Variants in P2RY8 observed in about 807,000 individuals in gnomAD.
The protein encoded by P2RY8 is P2Y receptor family member 8.
In P2RY8, 6 loss-of-function variants were observed where a neutral mutation model predicts 10.0. That is an observed-to-expected ratio of 0.60 (90% CI 0.33 to 1.19). P2RY8 has a LOEUF of 1.19. P2RY8 is among the 50% of genes most tolerant of loss of function. The pLI is 0.04. For missense variants in P2RY8, 456 were observed against 542.0 expected (o/e 0.84, Z 1.58); for synonymous variants, 276 against 252.5 (o/e 1.09, Z -0.88).
In P2RY8 at chrX:1,465,469, C is replaced by T. The variant is rs768804693; in HGVS notation, c.*10G>A. The T allele has an allele frequency of 8.8e-6, 14 of 1,588,626 alleles. No homozygotes were observed. The South Asian group carries it at 1.4e-4, about 15-fold the overall frequency. On this transcript the variant is annotated 3_prime_UTR_variant, in exon 2 of 2. Coordinates refer to ENST00000381297, the MANE Select transcript of P2RY8 (RefSeq NM_178129.5). ...TGCGCCCCCGGCTCTCCAAGCTGCG[C>T]CCCCGGGACTCAGAACACACTCTCC...
intron 1 of P2RY8, among the ~76,000 whole-genome samples, chrX:1,519,698 C>T (rs1370345071): frequency 2.6e-5 from 4 of 152,018 alleles, no homozygotes; most frequent in Non-Finnish European, 4.4e-5. Flanking sequence ...TCCCCTTGGT[C>T]CCTAATCATC....
chrX:1,503,990 A>G (rs1248852077), intron 1 of P2RY8, among the ~76,000 whole-genome samples: 3 of 152,098 alleles, frequency 2.0e-5, no homozygotes, highest in African/African-American at 7.2e-5. Context: ...GCAATTATCC[A>G]CTTAAATAAC....
intron 1 of P2RY8, among the ~76,000 whole-genome samples, chrX:1,509,882 CTA>C (rs2092285844): frequency 6.6e-6 from 1 of 151,470 alleles, no homozygotes; most frequent in Non-Finnish European, 1.5e-5. Flanking sequence ...TCTATCCATT[CTA>C]TCTATCTATG....
intron 1 of P2RY8, among the ~76,000 whole-genome samples, chrX:1,482,974 A>G (rs1188821622): frequency 6.6e-6 from 1 of 152,102 alleles, no homozygotes; most frequent in Non-Finnish European, 1.5e-5. Flanking sequence ...GGATAGCATT[A>G]GGAGATATAC....
intron 1 of P2RY8, among the ~76,000 whole-genome samples, chrX:1,498,522 AT>A (rs765334199): frequency 0.47 from 68,840 of 146,560 alleles, 17,364 homozygotes; most frequent in Non-Finnish European, 0.58. Context: ...CCAACTCTGT[AT>A]TTTTTTTTTT....
chrX:1,478,784 T>A (rs1201535092), intron 1 of P2RY8, among the ~76,000 whole-genome samples: 6 of 152,014 alleles, frequency 3.9e-5, no homozygotes, highest in Admixed American at 6.6e-5. Flanking sequence ...GGTACAGGTA[T>A]CTTTTTATGT....
chrX:1,465,901 G>T lies in P2RY8; in HGVS notation c.658C>A (p.Leu220Met). The T allele has an allele frequency of 6.2e-7, 1 of 1,612,546 alleles. No homozygotes were observed. Among genetic ancestry groups the T allele is most frequent in the Non-Finnish European group, 8.5e-7 (1 of 1,179,746 alleles). Residue 220 changes from leucine (L) to methionine (M), a missense_variant, in exon 2 of 2, where the codon CTG becomes ATG. Coordinates refer to ENST00000381297, the MANE Select transcript of P2RY8 (RefSeq NM_178129.5). ...VACYTATILKLLRTEEAHGRE... is the reference protein window; with the variant it reads ...VACYTATILKMLRTEEAHGRE... ...CCGTGCGCCTCCTCCGTGCGCAACA[G>T]CTTGAGGATGGTGGCCGTGTAACAA...
rs2091675965 is a variant in P2RY8 at position 1,466,346 on chromosome X, C to T, written c.213G>A (p.Met71Ile). The change falls in exon 2 of 2, where the codon ATG (methionine) becomes ATA (isoleucine). Residue 71 changes from methionine (M) to isoleucine (I), a missense_variant. By Grantham distance (10) the Met-to-Ile change is conservative. Coordinates refer to ENST00000381297, the MANE Select transcript of P2RY8 (RefSeq NM_178129.5). ...FMINLSVTDL[M>I]LASVLPFQIY... ...TTTGGAAAGGCAACACGCTGGCCAG[C>T]ATCAGGTCCGTGACGCTCAGGTTGA... 6.2e-7 allele frequency: 1 copy of T among 1,613,748 alleles called. No homozygotes were observed. Among genetic ancestry groups the T allele is most frequent in the Non-Finnish European group, 8.5e-7 (1 of 1,179,862 alleles).
At chrX:1,499,484 C>T (rs2092153884) in intron 1 of P2RY8, among the ~76,000 whole-genome samples, 1 of 152,028 alleles carries the variant, frequency 6.6e-6, no homozygotes, top group Non-Finnish European at 1.5e-5. Context: ...TTTTCTTACG[C>T]ATGAGGTAAT....
intron 1 of P2RY8, among the ~76,000 whole-genome samples, chrX:1,530,573 G>A (rs866567653): frequency 3.3e-5 from 5 of 149,492 alleles, no homozygotes; most frequent in Non-Finnish European, 7.4e-5. Context: ...CTATCTGATT[G>A]ATCTATCTCT....
At position 1,465,627 on chromosome X, in the gene P2RY8, C is replaced by T. The variant is rs1229016494; in HGVS notation, c.932G>A (p.Arg311His). The T allele has an allele frequency of 6.2e-7, 1 of 1,613,336 alleles. No individual in the cohort carries two copies. The highest frequency in any genetic ancestry group is 8.5e-7 in the Non-Finnish European group (1 of 1,179,814). The change falls in exon 2 of 2, where the codon CGC becomes CAC. Residue 311 changes from arginine (R) to histidine (H), a missense_variant. By Grantham distance (29) the Arg-to-His change is conservative (BLOSUM62 0). Transcript: ENST00000381297. ...GTCCAGGGTGTCTCTGGGCACCCGGCGGCAGCCCAAATATTCCCGCAGGCG... is the reference window on the plus strand; with the variant it reads ...GTCCAGGGTGTCTCTGGGCACCCGGTGGCAGCCCAAATATTCCCGCAGGCG... ...QLRLREYLGCRRVPRDTLDTR... is the reference protein window; with the variant it reads ...QLRLREYLGCHRVPRDTLDTR...
chrX:1,515,250 A>AT (rs1356281330), intron 1 of P2RY8, among the ~76,000 whole-genome samples: 1 of 151,518 alleles, frequency 6.6e-6, no homozygotes, highest in Non-Finnish European at 1.5e-5. Flanking sequence ...TTTTTTAAAG[A>AT]TAAAAACAAC....
rs187007457 is a variant in P2RY8, at chrX:1,523,621, T to A, written c.-25+13300A>T. On this transcript the variant is annotated intron_variant, in intron 1 of 1. Coordinates refer to ENST00000381297, the MANE Select transcript of P2RY8 (RefSeq NM_178129.5). ...ATTGGAAGTACACAGAGGTGATGAT[T>A]GTACAACACTCTGAACGAGCTAAAT... Among the ~76,000 whole-genome samples, 392 of 152,270 alleles carry A rather than the reference T, an allele frequency of 2.6e-3. 3 individuals are homozygous for A. The highest frequency in any genetic ancestry group is 8.9e-3 in the African/African-American group (370 of 41,554).
intron 1 of P2RY8, among the ~76,000 whole-genome samples, chrX:1,481,238 G>A (rs1204368381): frequency 6.6e-5 from 10 of 151,746 alleles, no homozygotes; most frequent in Non-Finnish European, 1.3e-4. Context: ...GCACAACGTC[G>A]GCTCCCTGCA....
chrX:1,533,804 ATATTATT>A (rs1466818448), intron 1 of P2RY8, among the ~76,000 whole-genome samples: 2 of 121,562 alleles, frequency 1.6e-5, no homozygotes, highest in Non-Finnish European at 3.1e-5. Flanking sequence ...ATATATTCAT[ATATTATT>A]TATTATTTAT....
chrX:1,509,704 C>CCATCCATT (rs2092280013), intron 1 of P2RY8, among the ~76,000 whole-genome samples: 1 of 113,586 alleles, frequency 8.8e-6, no homozygotes, highest in South Asian at 2.7e-4. Context: ...ATCCATCCAT[C>CCATCCATT]CATTTATTCT....
chrX:1,467,265 G>A (rs147391689), intron 1 of P2RY8, among the ~76,000 whole-genome samples: 4 of 152,002 alleles, frequency 2.6e-5, no homozygotes, highest in African/African-American at 9.7e-5. Context: ...GTCAACCCAC[G>A]GCTCCTCCCT....
At chrX:1,479,261 A>G (rs2091910022) in intron 1 of P2RY8, among the ~76,000 whole-genome samples, 1 of 152,230 alleles carries the variant, frequency 6.6e-6, no homozygotes, top group African/African-American at 2.4e-5. Context: ...TTTGCATAGT[A>G]GGACATACAC....
intron 1 of P2RY8, among the ~76,000 whole-genome samples, chrX:1,516,184 T>G (rs2092346910): frequency 2.2e-5 from 3 of 137,106 alleles, no homozygotes; most frequent in South Asian, 2.4e-4. Context: ...GCAAAAAGAG[T>G]GAAACTCCAC....
Sources: gnomAD v4.1 joint callset for allele counts (sites outside exome capture counted in the v4.1 genomes callset) on GRCh38, gnomAD v4.1.1 for gene constraint, MANE v1.5 for transcripts, NCBI Gene and HGNC (gene_info 2026-07-23, HGNC 2026-07-21) for gene names.